The following TBC1D5 variants were observed in gnomAD, a reference collection of about 807,000 sequenced individuals.
TBC1D5 encodes TBC1 domain family, member 5.
A neutral mutation model predicts 100.3 loss-of-function variants in TBC1D5; 75 were observed. The ratio of observed to expected loss-of-function variants is 0.75; its 90% CI spans 0.62 to 0.91. TBC1D5 has a LOEUF of 0.91. Ranked by LOEUF, TBC1D5 falls within the 40% of genes least tolerant of loss-of-function variation. The pLI is 0.00. For missense variants in TBC1D5, 910 were observed against 942.4 expected (o/e 0.97, Z 0.45); for synonymous variants, 323 against 325.6 (o/e 0.99, Z 0.09).
intron 4 of TBC1D5, among the ~76,000 whole-genome samples, chr3:17,410,163 C>T (rs1328034192): frequency 1.3e-5 from 2 of 151,996 alleles, no homozygotes; most frequent in African/African-American, 4.8e-5. Context: ...GTCCTAGAGA[C>T]CTTAAGAATT....
intron 2 of TBC1D5, among the ~76,000 whole-genome samples, chr3:17,511,071 T>C (rs940714585): frequency 1.3e-5 from 2 of 151,990 alleles, no homozygotes; most frequent in African/African-American, 4.8e-5. Flanking sequence ...TATGAATAAT[T>C]AGAACACCCT....
chr3:17,403,757 C>A (rs1274798594), intron 7 of TBC1D5, among the ~76,000 whole-genome samples: 2 of 152,052 alleles, frequency 1.3e-5, no homozygotes, highest in African/African-American at 4.8e-5. Context: ...CCATGAGGGG[C>A]CTGGAACCAA....
intron 13 of TBC1D5, among the ~76,000 whole-genome samples, chr3:17,319,540 A>C (rs1236520253): frequency 6.6e-6 from 1 of 152,036 alleles, no homozygotes; most frequent in Non-Finnish European, 1.5e-5. Context: ...CCCCAACAGC[A>C]AACCTACCTT....
At chr3:17,535,313 T>C (rs1260476359) in intron 2 of TBC1D5, among the ~76,000 whole-genome samples, 1 of 152,282 alleles carries the variant, frequency 6.6e-6, no homozygotes, top group African/African-American at 2.4e-5. Flanking sequence ...GTTAGTGTAG[T>C]TGGTACAAAC....
intron 13 of TBC1D5, among the ~76,000 whole-genome samples, chr3:17,331,851 T>A (rs541971183): frequency 2.8e-4 from 43 of 152,290 alleles, no homozygotes; most frequent in Non-Finnish European, 5.0e-4. Flanking sequence ...AGGAACAGCT[T>A]GACGTGTTTG....
intron 2 of TBC1D5, among the ~76,000 whole-genome samples, chr3:17,563,273 T>C (rs771293807): frequency 2.0e-5 from 3 of 152,178 alleles, no homozygotes; most frequent in Admixed American, 6.5e-5. Flanking sequence ...CATCAAATAG[T>C]TCGGTATGCG....
At chr3:17,386,710 T>C (rs11922699) in intron 8 of TBC1D5, among the ~76,000 whole-genome samples, 13,692 of 152,180 alleles carry the variant, frequency 0.09, 1,418 homozygotes, top group African/African-American at 0.25. Context: ...AATCTTCCAC[T>C]ACGTGGCTGT....
intron 3 of TBC1D5, among the ~76,000 whole-genome samples, chr3:17,476,973 A>G (rs1242595603): frequency 6.6e-6 from 1 of 151,950 alleles, no homozygotes; most frequent in Non-Finnish European, 1.5e-5. Flanking sequence ...TTATGTGTAG[A>G]TTTTTATTTC....
intron 4 of TBC1D5, among the ~76,000 whole-genome samples, chr3:17,427,089 A>G (rs576561840): frequency 6.6e-6 from 1 of 152,162 alleles, no homozygotes; most frequent in South Asian, 2.1e-4. Context: ...TAGTATGCCA[A>G]ATACAAGCTT....
At chr3:17,655,075 C>T (rs1312431933) in intron 1 of TBC1D5, among the ~76,000 whole-genome samples, 2 of 151,446 alleles carry the variant, frequency 1.3e-5, no homozygotes, top group Admixed American at 6.6e-5. Flanking sequence ...GTCTTGCTAG[C>T]GGTCTATCAA....
intron 2 of TBC1D5, chr3:17,519,114 A>G: frequency 6.6e-6 from 1 of 152,338 alleles, no homozygotes; most frequent in South Asian, 2.1e-4. Context: ...AAAACATTGT[A>G]TACCAGGGCT....
intron 15 of TBC1D5, among the ~76,000 whole-genome samples, chr3:17,282,726 C>T (rs2080745796): frequency 6.6e-6 from 1 of 152,122 alleles, no homozygotes; most frequent in Non-Finnish European, 1.5e-5. Flanking sequence ...AATATTGTTG[C>T]CATGAACAAC....
chr3:17,502,564 T>C lies in TBC1D5; in HGVS notation c.97+5910A>G, dbSNP rs527783279. Among the ~76,000 whole-genome samples the C allele has an allele frequency of 1.0e-3, 155 of 149,590 alleles. 19 individuals carry two copies. The highest frequency in any genetic ancestry group is 3.8e-3 in the African/African-American group (150 of 39,416). The stretch of plus-strand genomic sequence containing the variant: ...ATGAGGTAATCACAATCATTGCCAT[T>C]GTTTTTGCTACCATACTTAAGCTGA... On this transcript the variant is annotated intron_variant, in intron 3 of 21. Transcript: ENST00000253692.
At chr3:17,373,645 G>A (rs1223076567) in intron 12 of TBC1D5, among the ~76,000 whole-genome samples, 1 of 151,992 alleles carries the variant, frequency 6.6e-6, no homozygotes, top group African/African-American at 2.4e-5. Context: ...AACAAAATGT[G>A]GTATATCTAT....
intron 19 of TBC1D5, among the ~76,000 whole-genome samples, chr3:17,178,174 T>C (rs1037861900): frequency 6.6e-6 from 1 of 151,736 alleles, no homozygotes; most frequent in Non-Finnish European, 1.5e-5. Flanking sequence ...CACGCCATTC[T>C]CCTGCCTCAG....
intron 18 of TBC1D5, among the ~76,000 whole-genome samples, chr3:17,213,172 A>G (rs2073188932): frequency 6.6e-6 from 1 of 152,220 alleles, no homozygotes; most frequent in Non-Finnish European, 1.5e-5. Context: ...AATTGCCTGC[A>G]GTATTCAGTA....
chr3:17,518,234 T>C (rs912866055), intron 2 of TBC1D5, among the ~76,000 whole-genome samples: 1 of 152,122 alleles, frequency 6.6e-6, no homozygotes, highest in Non-Finnish European at 1.5e-5. Context: ...AGCCCAAAGT[T>C]AGAACTTCTA....
chr3:17,502,099 T>TG (rs1489492256), intron 3 of TBC1D5, among the ~76,000 whole-genome samples: 5 of 149,404 alleles, frequency 3.3e-5, no homozygotes, highest in Non-Finnish European at 7.4e-5. Flanking sequence ...CTTCCTGTCT[T>TG]TGCTCTACAC....
At chr3:17,739,430 C>G (rs1037939714) in exon 1 of TBC1D5, 1 of 151,988 alleles carries the variant, frequency 6.6e-6, no homozygotes, top group Non-Finnish European at 1.5e-5. Flanking sequence ...CCTCATTGGC[C>G]AAATAAAAAG....
Sources: gnomAD v4.1 joint callset for allele counts (sites outside exome capture counted in the v4.1 genomes callset) on GRCh38, gnomAD v4.1.1 for gene constraint, MANE v1.5 for transcripts, NCBI Gene and HGNC (gene_info 2026-07-23, HGNC 2026-07-21) for gene names.